Variants in KCNQ2 observed in about 807,000 individuals in gnomAD.
KCNQ2 encodes the protein potassium voltage-gated channel subfamily KQT member 2.
Under a neutral mutation model 84.8 loss-of-function variants are expected in KCNQ2, and 14 were observed. The ratio of observed to expected loss-of-function variants is 0.17; its 90% CI spans 0.11 to 0.26. The LOEUF (loss-of-function observed/expected upper bound fraction) is 0.26, where lower values mean the gene tolerates loss of function less well. Ranked by LOEUF, KCNQ2 falls within the 10% of genes least tolerant of loss-of-function variation. The probability of loss-of-function intolerance (pLI) is 1.00; values close to 1 mark genes in which losing one functional copy is unlikely to be tolerated. For missense variants in KCNQ2, 788 were observed against 1,254.0 expected, an observed-to-expected ratio of 0.63 and a Z score of 5.61; for synonymous variants, 599 against 554.1, an observed-to-expected ratio of 1.08 and a Z score of -1.14.
At chr20:63,424,275 C>T (rs2080563995) in intron 10 of KCNQ2, 69 bp from the exon 11 acceptor site, 2 of 1,510,274 alleles carry the variant, frequency 1.3e-6, no homozygotes, top group Admixed American at 2.0e-5. Flanking sequence ...CCAACCAGTC[C>T]AGCCCCCCAC....
rs139516003 is a variant in KCNQ2 at position 63,462,731 on chromosome 20, C to T, written c.296+9437G>A. The stretch of plus-strand genomic sequence containing the variant: ...GAGCCCCACGCAGCACCATTTGCAG[C>T]GGCAAAGTCCTAGCACCTGCTTCAA... On this transcript the variant is annotated intron_variant, in intron 1 of 16. Transcript: ENST00000359125. Among the ~76,000 whole-genome samples, 219 of 152,308 alleles carry T rather than the reference C, an allele frequency of 1.4e-3. 1 individual carries two copies. Among genetic ancestry groups the T allele is most frequent in the Non-Finnish European group, 2.2e-3 (147 of 68,024 alleles).
intron 11 of KCNQ2, chr20:63,422,766 AAGAG>A (rs994908392): frequency 1.3e-5 from 2 of 152,270 alleles, no homozygotes; most frequent in Non-Finnish European, 2.9e-5. Flanking sequence ...GAGAGAGAGA[AAGAG>A]AGAGGCTGAG....
Position 63,404,888 on chromosome 20 carries a change from G to A in KCNQ2, c.*1756C>T, listed in dbSNP as rs1267858199. The A allele has an allele frequency of 6.6e-6, 1 of 152,320 alleles. No individual in the cohort carries two copies. The highest frequency in any genetic ancestry group is 2.1e-4 in the South Asian group (1 of 4,834). 9.4% of individuals were successfully genotyped at this position (152,320 alleles called of 1,614,324 possible). On this transcript the variant is annotated 3_prime_UTR_variant, in exon 17 of 17. Coordinates refer to ENST00000359125, the MANE Select transcript of KCNQ2 (RefSeq NM_172107.4). ...GACAGGCTCCAGCACAGGGAGGGGT[G>A]AGGAGACAGCCCAGCGGAGGCACCT... is the stretch of plus-strand genomic sequence containing the variant.
chr20:63,423,142 T>A (rs566566784), intron 11 of KCNQ2, among the ~76,000 whole-genome samples: 1 of 152,272 alleles, frequency 6.6e-6, no homozygotes, highest in South Asian at 2.1e-4. Flanking sequence ...GAGCCCCTGG[T>A]GGTTTTCTTG....
chr20:63,453,101 C>T (rs2081662488), intron 1 of KCNQ2, among the ~76,000 whole-genome samples: 1 of 152,154 alleles, frequency 6.6e-6, no homozygotes, highest in African/African-American at 2.4e-5. Flanking sequence ...CCAGGTCCTG[C>T]CCTATCCAGC....
chr20:63,472,077 C>T, intron 1 of KCNQ2, 91 bp downstream of exon 1: 2 of 1,006,928 alleles, frequency 2.0e-6, no homozygotes, highest in Non-Finnish European at 2.8e-6. Context: ...GGGAGCCAAA[C>T]CCGCCGCAGC....
chr20:63,442,680 CCACCATCACCAT>C lies in KCNQ2; in HGVS notation c.691-161_691-150del. 6 of 412,936 alleles carry C rather than the reference CCACCATCACCAT, an allele frequency of 1.5e-5. 1 individual carries two copies. The highest frequency in any genetic ancestry group is 3.9e-5 in the East Asian group (1 of 25,458). 25.6% of individuals were successfully genotyped at this position (412,936 alleles called of 1,614,324 possible). A position where few individuals can be genotyped will look rare whatever the true frequency, so the allele number is the denominator to read the frequency against. ...ACCACCATCACCACCACCACCACCA[CCACCATCACCAT>C]CACCACCATCACCATCACCACCACC... On this transcript the variant is annotated intron_variant, in intron 4 of 16. Transcript: ENST00000359125.
Position 63,408,360 on chromosome 20 carries a change from G to C in KCNQ2, c.1887+53C>G. On this transcript the variant is annotated intron_variant, in intron 16 of 16. Coordinates refer to ENST00000359125, the MANE Select transcript of KCNQ2 (RefSeq NM_172107.4). The surrounding 1 kb of genome is among the most constrained non-coding windows in gnomAD (Gnocchi z 5.0). ...GAAGCCCACACTGCCACAGGTTGAC[G>C]GCAGGCACCACAGCCCTCCAGCCCC... is the stretch of plus-strand genomic sequence containing the variant. The C allele has an allele frequency of 1.3e-6, 2 of 1,596,518 alleles. No individual in the cohort carries two copies. Among genetic ancestry groups the C allele is most frequent in the Non-Finnish European group, 1.7e-6 (2 of 1,176,746 alleles).
chr20:63,455,125 G>A (rs989191310), intron 1 of KCNQ2, among the ~76,000 whole-genome samples: 2 of 152,164 alleles, frequency 1.3e-5, no homozygotes, highest in Admixed American at 1.3e-4. Flanking sequence ...GCGGGAAGAC[G>A]ATGGGAGGAT....
rs1213450650 is a variant in KCNQ2, at chr20:63,415,049, G to A, written c.1379C>T (p.Ala460Val). The change falls in exon 13 of 17, where the codon GCC (alanine) becomes GTC (valine). Residue 460 changes from alanine (A) to valine (V), a missense_variant. Physicochemically the swap from Ala to Val is moderately conservative, Grantham distance 64 (BLOSUM62 0). This residue lies in a region of KCNQ2 where 202 missense variants were observed against 239.4 expected (regional missense o/e 0.84). Coordinates refer to ENST00000359125, the MANE Select transcript of KCNQ2 (RefSeq NM_172107.4). ...VAAKGKGSPQ[A>V]QTVRRSPSAD... ...GCTGGGTGACCGCCTCACAGTCTGG[G>A]CCTGCGGGGACCCCTTCCCCTTGGC... 6.2e-7 allele frequency: 1 copy of A among 1,608,356 alleles called. No homozygotes were observed.
chr20:63,414,183 G>T lies in KCNQ2; in HGVS notation c.1536C>A (p.Leu512=), dbSNP rs1244500696. 1 of 1,613,428 alleles carries T rather than the reference G, an allele frequency of 6.2e-7. No homozygotes were observed. The highest frequency in any genetic ancestry group is 2.2e-5 in the East Asian group (1 of 44,858). Reference sequence around the variant, plus strand: ...TGTCATCCACAATGTCCTCTCCGGGGAGGCTTGCTTCTGGGGGGAAGGAGA... The same window carrying T: ...TGTCATCCACAATGTCCTCTCCGGGTAGGCTTGCTTCTGGGGGGAAGGAGA... ...ASRQNSEEAS[L]PGEDIVDDKS... The change falls in exon 14 of 17, where the codon CTC becomes CTA. Residue 512 remains leucine (L), a synonymous_variant. Transcript: ENST00000359125. The surrounding 1 kb of genome is among the most constrained non-coding windows in gnomAD (Gnocchi z 6.6).
chr20:63,428,229 T>C, intron 10 of KCNQ2, 138 bp downstream of exon 10: 1 of 688,366 alleles, frequency 1.5e-6, no homozygotes, highest in Non-Finnish European at 2.6e-6. Context: ...AGCACCACCA[T>C]CACCAAGTCC....
rs762978468 is a variant in KCNQ2 at position 63,433,785 on chromosome 20, G to A, written c.1118+24C>T. ...AAATAAAAAATGAAACAGTTGCTTG[G>A]TGGCAGGTGCCCGGCGGCGGTACCT... On this transcript the variant is annotated intron_variant, in intron 8 of 16. Coordinates refer to ENST00000359125, the MANE Select transcript of KCNQ2 (RefSeq NM_172107.4). 9 of 1,613,920 alleles carry A rather than the reference G, an allele frequency of 5.6e-6. No homozygotes were observed. The East Asian group carries it at 1.6e-4, about 28-fold the overall frequency.
intron 1 of KCNQ2, among the ~76,000 whole-genome samples, chr20:63,453,090 G>T (rs1473891601): frequency 2.0e-5 from 3 of 151,916 alleles, no homozygotes. Context: ...ACAAGCCACA[G>T]CCAGGTCCTG....
At chr20:63,424,549 T>C in intron 10 of KCNQ2, 1 of 330,512 alleles carries the variant, frequency 3.0e-6, no homozygotes, top group Non-Finnish European at 5.6e-6. Context: ...AAAGCACGTG[T>C]TTGCTGAAGG....
intron 1 of KCNQ2, among the ~76,000 whole-genome samples, chr20:63,457,200 T>C (rs2081825612): frequency 6.6e-6 from 1 of 152,224 alleles, no homozygotes; most frequent in Non-Finnish European, 1.5e-5. Context: ...GCCACGCTCC[T>C]GCAGAGCTGC....
chr20:63,443,984 C>A (rs2145770828), intron 4 of KCNQ2, among the ~76,000 whole-genome samples: 1 of 152,366 alleles, frequency 6.6e-6, no homozygotes, highest in Non-Finnish European at 1.5e-5. Context: ...AGGGTGCCCA[C>A]TGCAGTCAGC....
chr20:63,465,372 CCCGCCTTGTGCTGG>C (rs1283721122), intron 1 of KCNQ2, among the ~76,000 whole-genome samples: 7 of 152,242 alleles, frequency 4.6e-5, no homozygotes, highest in African/African-American at 1.7e-4. Context: ...TCAGGGCCCA[CCCGCCTTGTGCTGG>C]CCGCCTCCCT....
chr20:63,408,574 G>A lies in KCNQ2; in HGVS notation c.1764-38C>T, dbSNP rs757419428. ...GAGACCCCAAAGCATGAGTTCGGGT[G>A]GGTGCAGCAGGGCCCCTGCCCTCTC... On this transcript the variant is annotated intron_variant, in intron 15 of 16. Transcript: ENST00000359125. The surrounding 1 kb of genome is among the most constrained non-coding windows in gnomAD (Gnocchi z 5.0). 1.9e-6 allele frequency: 3 copies of A among 1,604,108 alleles called. No homozygotes were observed. The highest frequency in any genetic ancestry group is 1.3e-5 in the African/African-American group (1 of 74,844).
Sources: gnomAD v4.1 joint callset for allele counts (sites outside exome capture counted in the v4.1 genomes callset) on GRCh38, gnomAD v4.1.1 for gene constraint, gnomAD v4.1.1 regional missense constraint, Gnocchi (gnomAD v3.1) non-coding constraint, MANE v1.5 for transcripts, NCBI Gene and HGNC (gene_info 2026-07-23, HGNC 2026-07-21) for gene names.